MAP7: variants seen among roughly 807,000 people sequenced by gnomAD.
MAP7 encodes ensconsin.
Under a neutral mutation model 94.8 loss-of-function variants are expected in MAP7, and 52 were observed. The observed-to-expected ratio is 0.55, with a 90% CI of 0.44 to 0.69. MAP7 has a LOEUF of 0.69. Among genes scored for constraint, MAP7 ranks in the 30% least tolerant of loss-of-function variants. The pLI is 0.00. For synonymous variants in MAP7, 350 were observed against 357.0 expected, an observed-to-expected ratio of 0.98 and a Z score of 0.22; for missense variants, 940 against 964.6, an observed-to-expected ratio of 0.97 and a Z score of 0.34.
At chr6:136,542,603 T>C (rs1002811883) in intron 1 of MAP7, among the ~76,000 whole-genome samples, 3 of 152,148 alleles carry the variant, frequency 2.0e-5, no homozygotes, top group Non-Finnish European at 4.4e-5. Context: ...AGAACTTGAA[T>C]TGGCAGGGAA....
intron 6 of MAP7, 84 bp from the exon 7 acceptor site, chr6:136,377,952 T>A: frequency 1.0e-6 from 1 of 967,016 alleles, no homozygotes; most frequent in Non-Finnish European, 1.6e-6. Flanking sequence ...ATTGCTTCCA[T>A]ACGCTGGGCC....
intron 3 of MAP7, among the ~76,000 whole-genome samples, chr6:136,391,555 A>C (rs28445539): frequency 7.4e-5 from 11 of 149,642 alleles, no homozygotes; most frequent in Admixed American, 2.7e-4. Flanking sequence ...GTATAATAAA[A>C]AACAACAACA....
intron 2 of MAP7, among the ~76,000 whole-genome samples, chr6:136,418,973 A>AG (rs3837022): frequency 0.84 from 127,103 of 152,066 alleles, 53,195 homozygotes; most frequent in Middle Eastern, 0.87. Flanking sequence ...AAACAGACAC[A>AG]GGATGCTCAA....
At chr6:136,364,520 A>T in intron 10 of MAP7, 3 of 246,656 alleles carry the variant, frequency 1.2e-5, no homozygotes, top group Non-Finnish European at 2.4e-5. Flanking sequence ...TTCTTTGAAA[A>T]CTCTCTCTTC....
intron 1 of MAP7, among the ~76,000 whole-genome samples, chr6:136,463,727 A>T (rs1039899755): frequency 7.9e-5 from 12 of 152,296 alleles, no homozygotes; most frequent in African/African-American, 2.9e-4. Flanking sequence ...CACTTTATAA[A>T]GGAGGAGACT....
chr6:136,436,339 T>G (rs2128824599), intron 1 of MAP7, among the ~76,000 whole-genome samples: 1 of 152,204 alleles, frequency 6.6e-6, no homozygotes, highest in East Asian at 1.9e-4. Flanking sequence ...GGTAACTACT[T>G]ATGCCTGAAA....
At chr6:136,533,883 T>C (rs1828677265) in intron 1 of MAP7, among the ~76,000 whole-genome samples, 1 of 152,174 alleles carries the variant, frequency 6.6e-6, no homozygotes, top group Non-Finnish European at 1.5e-5. Context: ...GATGTCATAT[T>C]TCAACATGAA....
At chr6:136,494,424 T>C (rs540097744) in intron 1 of MAP7, among the ~76,000 whole-genome samples, 1 of 152,316 alleles carries the variant, frequency 6.6e-6, no homozygotes, top group South Asian at 2.1e-4. Context: ...AGATATATGG[T>C]TTTCTGGGGA....
At chr6:136,489,502 A>G (rs931020394) in intron 1 of MAP7, among the ~76,000 whole-genome samples, 2 of 148,420 alleles carry the variant, frequency 1.3e-5, no homozygotes. Context: ...TTACCTCATT[A>G]CAATGCTCTG....
chr6:136,385,641 C>G (rs1203796962), intron 5 of MAP7, among the ~76,000 whole-genome samples: 1 of 152,170 alleles, frequency 6.6e-6, no homozygotes, highest in Non-Finnish European at 1.5e-5. Flanking sequence ...GCATCTAAAT[C>G]TGCCATAAAT....
At chr6:136,381,915 C>CAG (rs1248320059) in intron 6 of MAP7, among the ~76,000 whole-genome samples, 3 of 145,830 alleles carry the variant, frequency 2.1e-5, no homozygotes, top group Non-Finnish European at 3.0e-5. Context: ...CACACACACA[C>CAG]ACACAGAGAG....
At chr6:136,366,130 GT>G in intron 9 of MAP7, 112 bp from the exon 10 acceptor site, 2 of 1,188,752 alleles carry the variant, frequency 1.7e-6, no homozygotes, top group Non-Finnish European at 2.3e-6. Flanking sequence ...CCGTGTATTT[GT>G]TTTTTATGTG....
intron 1 of MAP7, among the ~76,000 whole-genome samples, chr6:136,445,566 T>C (rs958861411): frequency 1.3e-5 from 2 of 152,228 alleles, no homozygotes; most frequent in Non-Finnish European, 2.9e-5. Context: ...TATCTTGTGT[T>C]AATTTGATTC....
In MAP7 at chr6:136,344,232, A is replaced by G; in HGVS notation, c.2246T>C (p.Ile749Thr). ...TTGGTTCTTCAGAAGAAACACTCAT[A>G]TAACTTCTACATGAAGAGACAGAAA... ...GVQTQQTAEV[I>T] The change falls in exon 18 of 18, where the codon ATA (isoleucine) becomes ACA (threonine). Residue 749 changes from isoleucine to threonine, a missense_variant. Ile to Thr is a moderately conservative substitution (Grantham distance 89). Transcript: ENST00000354570. 7.5e-7 allele frequency: 1 copy of G among 1,333,994 alleles called. No individual in the cohort carries two copies. The allele number at this position is 1,333,994 out of a possible 1,614,324, so 82.6% of individuals were successfully genotyped here.
intron 15 of MAP7, 49 bp downstream of exon 15, chr6:136,359,771 A>G (rs1345706993): frequency 2.6e-6 from 4 of 1,550,606 alleles, no homozygotes; most frequent in Admixed American, 1.8e-5. Flanking sequence ...TGGAGAGTCA[A>G]TTTAAACATT....
chr6:136,379,260 T>C (rs3799411), intron 6 of MAP7, among the ~76,000 whole-genome samples: 2,527 of 152,308 alleles, frequency 0.017, 42 homozygotes, highest in East Asian at 0.039. Context: ...GAAGTATCAA[T>C]TTCCAATAAG....
intron 3 of MAP7, among the ~76,000 whole-genome samples, chr6:136,401,823 GA>G (rs772306719): frequency 6.7e-6 from 1 of 150,322 alleles, no homozygotes; most frequent in South Asian, 2.1e-4. Flanking sequence ...TAAAAAAACA[GA>G]AAAACACAGA....
chr6:136,460,030 T>C lies in MAP7; in HGVS notation c.68-38231A>G, dbSNP rs116032092. On this transcript the variant is annotated intron_variant, in intron 1 of 17. Transcript: ENST00000354570. Reference sequence around the variant, plus strand: ...AATTGTTGACTCCACAATCCCACTTTTGAGGCACCCACTTTTGAATCCCAC... The same window carrying C: ...AATTGTTGACTCCACAATCCCACTTCTGAGGCACCCACTTTTGAATCCCAC... Among the ~76,000 whole-genome samples, 372 of 152,280 alleles carry C rather than the reference T, an allele frequency of 2.4e-3. 2 individuals are homozygous for C. Among genetic ancestry groups the C allele is most frequent in the African/African-American group, 8.3e-3 (344 of 41,560 alleles).
At chr6:136,450,852 T>C (rs1800899150) in intron 1 of MAP7, among the ~76,000 whole-genome samples, 1 of 151,880 alleles carries the variant, frequency 6.6e-6, no homozygotes, top group South Asian at 2.1e-4. Flanking sequence ...TAAAAGTCAA[T>C]GTTCTGTTTT....
Sources: gnomAD v4.1 joint callset for allele counts (sites outside exome capture counted in the v4.1 genomes callset) on GRCh38, gnomAD v4.1.1 for gene constraint, MANE v1.5 for transcripts, NCBI Gene and HGNC (gene_info 2026-07-23, HGNC 2026-07-21) for gene names.